SAMMSON: variants seen among roughly 807,000 people sequenced by gnomAD.
SAMMSON encodes long intergenic non-protein coding RNA 1212.
intron 7 of SAMMSON, among the ~76,000 whole-genome samples, chr3:70,345,833 T>C (rs1422032815): frequency 6.6e-6 from 1 of 152,216 alleles, no homozygotes; most frequent in Non-Finnish European, 1.5e-5. Context: ...TATTCCTTTT[T>C]ATCACTGAAT....
intron 6 of SAMMSON, among the ~76,000 whole-genome samples, chr3:70,289,879 C>A (rs201551328): frequency 6.6e-6 from 1 of 151,776 alleles, no homozygotes; most frequent in South Asian, 2.1e-4. Context: ...GCATTCTTCA[C>A]GTAGTTCTCG....
intron 7 of SAMMSON, among the ~76,000 whole-genome samples, chr3:70,292,788 G>A (rs543631415): frequency 5.3e-5 from 8 of 151,736 alleles, no homozygotes; most frequent in African/African-American, 7.2e-5. Context: ...TTTTCTTTTC[G>A]TGGTTACACA....
intron 2 of SAMMSON, among the ~76,000 whole-genome samples, chr3:70,405,916 T>A (rs1701174877): frequency 6.6e-6 from 1 of 152,140 alleles, no homozygotes. Flanking sequence ...TGAAAATTAA[T>A]GATAAGAAGA....
intron 4 of SAMMSON, among the ~76,000 whole-genome samples, chr3:70,075,992 A>G (rs570503704): frequency 1.3e-5 from 2 of 152,112 alleles, no homozygotes; most frequent in Non-Finnish European, 2.9e-5. Context: ...GTTAAGTAGA[A>G]CTTATGAATA....
At chr3:70,391,140 C>T (rs1297522940), downstream of SAMMSON, among the ~76,000 whole-genome samples, 1 of 152,058 alleles carries the variant, frequency 6.6e-6, no homozygotes, top group Non-Finnish European at 1.5e-5. Flanking sequence ...GACTATATGC[C>T]CTAGGAATTA....
intron 7 of SAMMSON, among the ~76,000 whole-genome samples, chr3:70,314,005 T>A (rs911896177): frequency 2.0e-5 from 3 of 152,122 alleles, no homozygotes; most frequent in Non-Finnish European, 4.4e-5. Flanking sequence ...TTATCAATAC[T>A]CCTAGAAATG....
At chr3:70,283,599 A>C (rs2106684301) in intron 6 of SAMMSON, 1 of 152,182 alleles carries the variant, frequency 6.6e-6, no homozygotes, top group East Asian at 1.9e-4. Context: ...GGTTGTGTCC[A>C]CCACCTACCT....
chr3:70,231,708 C>G (rs1363530375), intron 4 of SAMMSON, among the ~76,000 whole-genome samples: 3 of 152,078 alleles, frequency 2.0e-5, no homozygotes, highest in Admixed American at 1.3e-4. Flanking sequence ...GACAGAGATA[C>G]ACGGAGAGAA....
intron 3 of SAMMSON, among the ~76,000 whole-genome samples, chr3:70,027,943 A>G (rs1261223931): frequency 2.0e-5 from 3 of 152,198 alleles, no homozygotes; most frequent in African/African-American, 4.8e-5. Flanking sequence ...ATATTGAAAT[A>G]GACAGTATTT....
At chr3:70,252,670 G>A (rs777007948) in intron 6 of SAMMSON, among the ~76,000 whole-genome samples, 9 of 152,072 alleles carry the variant, frequency 5.9e-5, no homozygotes, top group East Asian at 1.9e-4. Context: ...CATCATTCAG[G>A]CACTGTATTG....
At chr3:70,373,159 T>C (rs527956124) in intron 9 of SAMMSON, among the ~76,000 whole-genome samples, 7 of 152,168 alleles carry the variant, frequency 4.6e-5, no homozygotes, top group Non-Finnish European at 8.8e-5. Context: ...TTAGTCATTT[T>C]TTAAAAGCAT....
chr3:70,280,168 A>G (rs1237696948), intron 6 of SAMMSON, among the ~76,000 whole-genome samples: 2 of 151,996 alleles, frequency 1.3e-5, no homozygotes, highest in African/African-American at 2.4e-5. Flanking sequence ...GCTGCACTCC[A>G]ATCTCTGTCC....
intron 3 of SAMMSON, among the ~76,000 whole-genome samples, chr3:70,056,945 C>G (rs1303373561): frequency 1.3e-5 from 2 of 151,944 alleles, no homozygotes; most frequent in Admixed American, 6.6e-5. Flanking sequence ...GGCATTTAGT[C>G]AACTAATCAG....
At chr3:70,348,982 A>G (rs1399414381) in intron 7 of SAMMSON, among the ~76,000 whole-genome samples, 1 of 152,090 alleles carries the variant, frequency 6.6e-6, no homozygotes, top group Non-Finnish European at 1.5e-5. Flanking sequence ...CCCATCACCA[A>G]ACATTTTTTC....
downstream of SAMMSON, among the ~76,000 whole-genome samples, chr3:70,392,478 T>G (rs568503313): frequency 6.7e-4 from 102 of 152,272 alleles, 1 homozygote; most frequent in Non-Finnish European, 2.9e-4. Context: ...CTCAGGACTT[T>G]GCAGCCTCGT....
At chr3:70,121,097 A>G (rs2067431011) in intron 4 of SAMMSON, among the ~76,000 whole-genome samples, 1 of 152,210 alleles carries the variant, frequency 6.6e-6, no homozygotes, top group Non-Finnish European at 1.5e-5. Context: ...CGCAATCTAG[A>G]TTCCTTGCAT....
intron 4 of SAMMSON, among the ~76,000 whole-genome samples, chr3:70,190,802 C>T (rs1248119822): frequency 6.6e-6 from 1 of 151,962 alleles, no homozygotes. Context: ...CTTAGAATAC[C>T]ATCTTCACCT....
intron 4 of SAMMSON, among the ~76,000 whole-genome samples, chr3:70,246,487 A>T (rs1195467547): frequency 1.3e-5 from 2 of 152,094 alleles, no homozygotes; most frequent in Non-Finnish European, 2.9e-5. Flanking sequence ...GATGGGCATC[A>T]CTATACATAG....
chr3:70,110,699 G>A (rs1401008493), intron 4 of SAMMSON, among the ~76,000 whole-genome samples: 2 of 152,116 alleles, frequency 1.3e-5, no homozygotes, highest in Non-Finnish European at 2.9e-5. Flanking sequence ...AATGAGATTG[G>A]CCCAGCTCAG....
Sources: allele counts gnomAD v4.1 joint callset (sites outside exome capture counted in the v4.1 genomes callset), GRCh38; gene constraint gnomAD v4.1.1; transcripts MANE v1.5; gene names NCBI Gene and HGNC (gene_info 2026-07-23, HGNC 2026-07-21).